METTL5: variants seen among roughly 807,000 people sequenced by gnomAD.
METTL5 encodes the protein methyltransferase 5, N6-adenosine, also known as rRNA N(6)-adenosine-methyltransferase METTL5.
Under a neutral mutation model 26.5 loss-of-function variants are expected in METTL5, and 28 were observed. The ratio of observed to expected loss-of-function variants is 1.06; its 90% CI spans 0.78 to 1.45. The LOEUF is 1.45. Among genes scored for constraint, METTL5 ranks in the 40% most tolerant of loss-of-function variants. The pLI, the probability that METTL5 is intolerant of heterozygous loss-of-function variation, is 0.00. For missense variants in METTL5, 231 were observed against 249.9 expected, an observed-to-expected ratio of 0.92 and a Z score of 0.51; for synonymous variants, 86 against 82.6, an observed-to-expected ratio of 1.04 and a Z score of -0.22.
At chr2:169,820,020 T>C (rs756933598) in intron 3 of METTL5, among the ~76,000 whole-genome samples, 11 of 151,878 alleles carry the variant, frequency 7.2e-5, no homozygotes, top group South Asian at 2.1e-4. Context: ...TGCAATAGCA[T>C]GATCTCAGCT....
chr2:169,812,366 G>C (rs574659742), intron 6 of METTL5, 91 bp downstream of exon 6: 4 of 1,607,428 alleles, frequency 2.5e-6, no homozygotes, highest in Non-Finnish European at 8.5e-7. Flanking sequence ...TCAGCCTCCC[G>C]AGTAGCTGGG....
intron 6 of METTL5, chr2:169,812,165 G>T: frequency 1.8e-6 from 1 of 551,990 alleles, no homozygotes; most frequent in Non-Finnish European, 3.1e-6. Context: ...CATTTATGGT[G>T]TCTCCTAGGC....
At chr2:169,812,436 A>G (rs766134467) in intron 6 of METTL5, 21 bp downstream of exon 6, 9 of 1,613,984 alleles carry the variant, frequency 5.6e-6, no homozygotes, top group Non-Finnish European at 6.8e-6. Context: ...AATGTAGACC[A>G]GCCAAAATCA....
rs1558981040 is a variant in METTL5, at chr2:169,824,473, G to A, written c.109+16C>T. 2 of 1,599,356 alleles carry A rather than the reference G, an allele frequency of 1.3e-6. No individual in the cohort carries two copies. Among genetic ancestry groups the A allele is most frequent in the East Asian group, 2.2e-5 (1 of 44,810 alleles). ...CTAACGCCGAAAGCCGGGGCGTGGT[G>A]AACCAGCCGCCCTACCTGCAATGTG... On this transcript the variant is annotated intron_variant, in intron 1 of 6. Transcript: ENST00000260953.
chr2:169,823,593 G>A (rs2081612268), intron 1 of METTL5, among the ~76,000 whole-genome samples: 1 of 152,292 alleles, frequency 6.6e-6, no homozygotes, highest in Non-Finnish European at 1.5e-5. Flanking sequence ...GCCCCAGTGG[G>A]AAGATCGCTT....
At chr2:169,812,580 C>A in intron 5 of METTL5, 74 bp from the exon 6 acceptor site, 5 of 1,490,550 alleles carry the variant, frequency 3.4e-6, no homozygotes, top group Non-Finnish European at 4.6e-6. Flanking sequence ...ACAACAACAA[C>A]AACAAAAACT....
chr2:169,823,865 T>C (rs1558980753), intron 1 of METTL5, among the ~76,000 whole-genome samples: 1 of 152,176 alleles, frequency 6.6e-6, no homozygotes, highest in Non-Finnish European at 1.5e-5. Flanking sequence ...GGTTTCCCAA[T>C]GACTTCGGTA....
At position 169,821,171 on chromosome 2, in the gene METTL5, C is replaced by T; in HGVS notation, c.327G>A (p.Val109=). 1 of 1,612,638 alleles carries T rather than the reference C, an allele frequency of 6.2e-7. No homozygotes were observed. Among genetic ancestry groups the T allele is most frequent in the Non-Finnish European group, 8.5e-7 (1 of 1,179,202 alleles). Residue 109 remains valine, a synonymous_variant, in exon 3 of 7, where the codon GTG becomes GTA. Transcript: ENST00000260953. ...TGGACATTCTGTTAGATAATAAGCA[C>T]ACATCACATTGAACCATGTCAATAT... ...LTNIDMVQCD[V]CLLSNRMSKS...
Position 169,821,921 on chromosome 2 carries a change from T to C in METTL5, c.224+22A>G, listed in dbSNP as rs899569318. On this transcript the variant is annotated intron_variant, in intron 2 of 6. Transcript: ENST00000260953. ...TTATTAAAGCCACCCAATACCCAAA[T>C]AGCATATATTGCATTACGTACCCTG... The C allele has an allele frequency of 3.1e-6, 5 of 1,606,048 alleles. No individual in the cohort carries two copies. In the African/African-American group the frequency reaches 6.7e-5, roughly 22 times the overall value.
rs532373077 is a variant in METTL5, at chr2:169,820,860, A to ACCAC, written c.406+228_406+231dup. Reference sequence around the variant, plus strand: ...TCTGAGTAGCTAGGACTATAGGTGCACCACCACACTTGGGAAATTAAAATT... The same window carrying ACCAC: ...TCTGAGTAGCTAGGACTATAGGTGCACCACCCACCACACTTGGGAAATTAAAATT... On this transcript the variant is annotated intron_variant, in intron 3 of 6. Transcript: ENST00000260953. Among the ~76,000 whole-genome samples the ACCAC allele has an allele frequency of 1.7e-4, 26 of 150,288 alleles. No individual in the cohort carries two copies. In the South Asian group the frequency reaches 5.5e-3, roughly 32 times the overall value.
intron 3 of METTL5, 80 bp downstream of exon 3, chr2:169,821,012 G>A: frequency 8.3e-7 from 1 of 1,197,868 alleles, no homozygotes; most frequent in South Asian, 1.6e-5. Flanking sequence ...TTACACGCCT[G>A]AGCCACTGCG....
At chr2:169,817,012 T>C (rs1182478404) in intron 4 of METTL5, among the ~76,000 whole-genome samples, 3 of 152,054 alleles carry the variant, frequency 2.0e-5, no homozygotes, top group Admixed American at 6.6e-5. Context: ...GCCTACAGAA[T>C]GGGAGAACAT....
intron 1 of METTL5, 108 bp downstream of exon 1, chr2:169,824,381 G>A: frequency 1.1e-6 from 1 of 895,262 alleles, no homozygotes; most frequent in Non-Finnish European, 1.8e-6. Flanking sequence ...TGATCTTAGG[G>A]CAGAATTTCT....
At chr2:169,814,029 C>A (rs772012943) in intron 5 of METTL5, among the ~76,000 whole-genome samples, 10 of 152,132 alleles carry the variant, frequency 6.6e-5, no homozygotes, top group Non-Finnish European at 1.5e-4. Context: ...TTATTGCACT[C>A]TTATTTCAGG....
At chr2:169,812,577 C>G (rs1479093772) in intron 5 of METTL5, 71 bp from the exon 6 acceptor site, 3 of 1,510,900 alleles carry the variant, frequency 2.0e-6, no homozygotes, top group Non-Finnish European at 2.7e-6. Context: ...TAAACAACAA[C>G]AACAACAAAA....
chr2:169,814,474 A>AAAAAAAAAAAAAG (rs1407017843), intron 5 of METTL5, among the ~76,000 whole-genome samples: 1 of 149,226 alleles, frequency 6.7e-6, no homozygotes, highest in African/African-American at 2.5e-5. Flanking sequence ...GTCTCAAAAA[A>AAAAAAAAAAAAAG]AAAAAAAGAA....
At chr2:169,814,576 C>CTTTT (rs71006043) in intron 5 of METTL5, among the ~76,000 whole-genome samples, 21 of 123,836 alleles carry the variant, frequency 1.7e-4, no homozygotes, top group African/African-American at 5.8e-4. Flanking sequence ...TCCAAGCCCA[C>CTTTT]TTTTTTTTTT....
chr2:169,821,531 G>A (rs547789581), intron 2 of METTL5, among the ~76,000 whole-genome samples: 2 of 151,672 alleles, frequency 1.3e-5, no homozygotes, highest in African/African-American at 2.4e-5. Context: ...GACCACAGGC[G>A]CACACCACCA....
At chr2:169,814,468 C>CAA (rs572823948) in intron 5 of METTL5, among the ~76,000 whole-genome samples, 5 of 57,544 alleles carry the variant, frequency 8.7e-5, no homozygotes, top group East Asian at 1.3e-3. Context: ...GGCTTTGTCT[C>CAA]AAAAAAAAAA....
Sources: gnomAD v4.1 joint callset for allele counts (sites outside exome capture counted in the v4.1 genomes callset) on GRCh38, gnomAD v4.1.1 for gene constraint, MANE v1.5 for transcripts, NCBI Gene and HGNC (gene_info 2026-07-23, HGNC 2026-07-21) for gene names.